The following UTRN variants were observed in gnomAD, a reference collection of about 807,000 sequenced individuals.
UTRN encodes dystrophin-related protein 1.
UTRN carries 283 observed loss-of-function variants against 463.9 expected under a neutral mutation model. The observed-to-expected ratio is 0.61, with a 90% CI of 0.55 to 0.67. The LOEUF is 0.67. Among genes scored for constraint, UTRN ranks in the 30% least tolerant of loss-of-function variants. UTRN has a pLI of 0.00. For synonymous variants in UTRN, 1,442 were observed against 1,431.5 expected, an observed-to-expected ratio of 1.01 and a Z score of -0.17; for missense variants, 3,922 against 4,084.3, an observed-to-expected ratio of 0.96 and a Z score of 1.08.
chr6:144,724,754 A>G (rs896273836), intron 53 of UTRN, among the ~76,000 whole-genome samples: 3 of 152,202 alleles, frequency 2.0e-5, no homozygotes, highest in Admixed American at 6.5e-5. Context: ...GTTATAGCAC[A>G]TATCAGTATT....
chr6:144,353,103 C>T (rs1778252613), intron 2 of UTRN, among the ~76,000 whole-genome samples: 1 of 151,860 alleles, frequency 6.6e-6, no homozygotes, highest in Admixed American at 6.6e-5. Flanking sequence ...CCACCACGCT[C>T]AGCTCATTTT....
intron 53 of UTRN, among the ~76,000 whole-genome samples, chr6:144,718,244 A>G (rs548026994): frequency 2.0e-5 from 3 of 152,262 alleles, no homozygotes; most frequent in Admixed American, 1.3e-4. Context: ...AAAAGTCAGG[A>G]GGATCACTTG....
At chr6:144,293,776 T>G (rs1020783924) in intron 2 of UTRN, among the ~76,000 whole-genome samples, 1 of 152,150 alleles carries the variant, frequency 6.6e-6, no homozygotes, top group Non-Finnish European at 1.5e-5. Flanking sequence ...ATTATTCTGT[T>G]TCTTTACTCT....
intron 54 of UTRN, among the ~76,000 whole-genome samples, chr6:144,741,343 G>T (rs1018072396): frequency 6.6e-6 from 1 of 152,136 alleles, no homozygotes; most frequent in African/African-American, 2.4e-5. Flanking sequence ...AGAAATAAAA[G>T]ACTTTGAATC....
chr6:144,488,552 T>G, intron 29 of UTRN, 121 bp from the exon 30 acceptor site: 1 of 864,124 alleles, frequency 1.2e-6, no homozygotes. Context: ...TATTTATTTA[T>G]AAAGAAAGCT....
rs75364873 is a variant in UTRN, at chr6:144,745,589, A to T, written c.7940-2657A>T. Among the ~76,000 whole-genome samples the T allele has an allele frequency of 4.9e-4, 75 of 152,316 alleles. No homozygotes were observed. In the East Asian group the frequency reaches 0.014, roughly 28 times the overall value. On this transcript the variant is annotated intron_variant, in intron 54 of 74. Transcript: ENST00000367545. Reference sequence around the variant, plus strand: ...CTGAGTAGCTTCTTGAGTGGGGATTATGTAATAAATACTGCACAAGGACTG... The same window carrying T: ...CTGAGTAGCTTCTTGAGTGGGGATTTTGTAATAAATACTGCACAAGGACTG...
chr6:144,631,932 T>C (rs961972913), intron 51 of UTRN, among the ~76,000 whole-genome samples: 1 of 152,226 alleles, frequency 6.6e-6, no homozygotes, highest in Non-Finnish European at 1.5e-5. Context: ...TTCTGAGTTA[T>C]CGTAAAAGAC....
intron 45 of UTRN, among the ~76,000 whole-genome samples, chr6:144,540,957 C>T (rs1797929819): frequency 1.3e-5 from 2 of 152,170 alleles, no homozygotes; most frequent in African/African-American, 4.8e-5. Flanking sequence ...CAAAAAATAT[C>T]ATACATTTGA....
At chr6:144,473,873 T>A in intron 24 of UTRN, 40 bp downstream of exon 24, 1 of 1,449,028 alleles carries the variant, frequency 6.9e-7, no homozygotes, top group East Asian at 2.3e-5. Flanking sequence ...ATAAATAACA[T>A]TTTGTTCTTT....
intron 50 of UTRN, among the ~76,000 whole-genome samples, chr6:144,573,682 C>T (rs188476777): frequency 1.5e-4 from 22 of 150,082 alleles, no homozygotes; most frequent in Admixed American, 3.3e-4. Context: ...GGTGACAGAG[C>T]AAGACTCCAT....
intron 74 of UTRN, 48 bp from the exon 75 acceptor site, chr6:144,850,941 G>T (rs1174339653): frequency 1.1e-5 from 17 of 1,611,998 alleles, no homozygotes; most frequent in Non-Finnish European, 1.4e-5. Flanking sequence ...TCTGCTTCCT[G>T]TAATGTTTTG....
intron 65 of UTRN, among the ~76,000 whole-genome samples, chr6:144,820,097 C>T (rs1282835203): frequency 2.2e-5 from 3 of 139,360 alleles, no homozygotes; most frequent in African/African-American, 8.1e-5. Flanking sequence ...TAAATAGAAA[C>T]TAGAATTGTG....
At chr6:144,693,405 T>A (rs1783638719) in intron 52 of UTRN, among the ~76,000 whole-genome samples, 1 of 152,210 alleles carries the variant, frequency 6.6e-6, no homozygotes, top group Non-Finnish European at 1.5e-5. Context: ...AATTTTAAAA[T>A]AGTTTTCTCT....
rs112369826 is a variant in UTRN at position 144,551,897 on chromosome 6, G to A, written c.6928+815G>A. Among the ~76,000 whole-genome samples the A allele has an allele frequency of 6.6e-3, 998 of 152,032 alleles. 10 individuals are homozygous for A. The highest frequency in any genetic ancestry group is 0.023 in the African/African-American group (950 of 41,466). On this transcript the variant is annotated intron_variant, in intron 48 of 74. Coordinates refer to ENST00000367545, the MANE Select transcript of UTRN (RefSeq NM_007124.3). ...CTTTTCTTCCCAGGTGCAATTCTAC[G>A]CAGCAGCTAAAATGTCATCCCCTTT...
chr6:144,684,954 A>G (rs1452592994), intron 52 of UTRN, among the ~76,000 whole-genome samples: 1 of 152,158 alleles, frequency 6.6e-6, no homozygotes, highest in East Asian at 1.9e-4. Flanking sequence ...CTGAGATTTT[A>G]GTGCACCCAT....
At chr6:144,371,085 C>T (rs1407836657) in intron 2 of UTRN, among the ~76,000 whole-genome samples, 5 of 152,224 alleles carry the variant, frequency 3.3e-5, no homozygotes, top group African/African-American at 9.6e-5. Context: ...TATTCTACAC[C>T]TCTCATGTCT....
rs538133188 is a variant in UTRN at position 144,474,596 on chromosome 6, G to A, written c.3181-8G>A. The A allele has an allele frequency of 1.9e-6, 3 of 1,608,320 alleles. No homozygotes were observed. The South Asian group carries it at 3.3e-5, about 18-fold the overall frequency. ...AATGAACTCAACATGCATCTTTTAT[G>A]TGTTTAGGCATTTGTTAATGAAATA... On this transcript the variant is annotated splice_polypyrimidine_tract_variant and splice_region_variant and intron_variant, in intron 24 of 74. Coordinates refer to ENST00000367545, the MANE Select transcript of UTRN (RefSeq NM_007124.3).
intron 51 of UTRN, among the ~76,000 whole-genome samples, chr6:144,646,628 G>A (rs900293762): frequency 6.6e-5 from 10 of 152,050 alleles, no homozygotes; most frequent in East Asian, 1.9e-4. Flanking sequence ...TCATAATACC[G>A]ATCAAGAAAT....
chr6:144,473,877 GTTCTTT>G (rs1790921238), intron 24 of UTRN, 44 bp downstream of exon 24: 1 of 1,433,646 alleles, frequency 7.0e-7, no homozygotes, highest in African/African-American at 1.4e-5. Context: ...ATAACATTTT[GTTCTTT>G]TTCTATGTTA....
Sources: gnomAD v4.1 joint callset for allele counts (sites outside exome capture counted in the v4.1 genomes callset) on GRCh38, gnomAD v4.1.1 for gene constraint, MANE v1.5 for transcripts, NCBI Gene and HGNC (gene_info 2026-07-23, HGNC 2026-07-21) for gene names.